ZNRF3: variants seen among roughly 807,000 people sequenced by gnomAD.
The protein encoded by ZNRF3 is E3 ubiquitin-protein ligase ZNRF3.
ZNRF3 carries 23 observed loss-of-function variants against 72.5 expected under a neutral mutation model. That is an observed-to-expected ratio of 0.32 (90% CI 0.23 to 0.45). The LOEUF is 0.45. Ranked by LOEUF, ZNRF3 falls within the 20% of genes least tolerant of loss-of-function variation. The pLI, the probability that ZNRF3 is intolerant of heterozygous loss-of-function variation, is 1.00. For missense variants in ZNRF3, 1,169 were observed against 1,272.1 expected, an observed-to-expected ratio of 0.92 and a Z score of 1.23; for synonymous variants, 610 against 545.3, an observed-to-expected ratio of 1.12 and a Z score of -1.65.
chr22:28,981,910 T>C (rs1288809209), intron 1 of ZNRF3, among the ~76,000 whole-genome samples: 1 of 151,690 alleles, frequency 6.6e-6, no homozygotes, highest in Non-Finnish European at 1.5e-5. Flanking sequence ...GGCAAGAGAA[T>C]TGCTTGAACC....
chr22:29,028,812 T>C (rs1209951458), intron 2 of ZNRF3, among the ~76,000 whole-genome samples: 4 of 152,212 alleles, frequency 2.6e-5, no homozygotes, highest in Non-Finnish European at 4.4e-5. Flanking sequence ...ACTTTCCCTC[T>C]TGGAGTCTCA....
chr22:29,035,043 T>C (rs1219239644), intron 2 of ZNRF3, among the ~76,000 whole-genome samples: 2 of 148,288 alleles, frequency 1.3e-5, no homozygotes, highest in Non-Finnish European at 3.0e-5. Flanking sequence ...GGAGTCTTGC[T>C]ATATTGGCCA....
intron 1 of ZNRF3, among the ~76,000 whole-genome samples, chr22:28,934,326 G>C (rs573543324): frequency 6.6e-6 from 1 of 152,142 alleles, no homozygotes; most frequent in Non-Finnish European, 1.5e-5. Flanking sequence ...GAGCTGATGA[G>C]GTGCATTGAG....
chr22:29,017,125 T>G (rs1476834370), intron 2 of ZNRF3, among the ~76,000 whole-genome samples: 1 of 152,178 alleles, frequency 6.6e-6, no homozygotes, highest in Non-Finnish European at 1.5e-5. Context: ...AAAAATGCAT[T>G]AGCCACACAG....
At chr22:29,011,993 C>T (rs2036355657) in intron 2 of ZNRF3, among the ~76,000 whole-genome samples, 1 of 152,176 alleles carries the variant, frequency 6.6e-6, no homozygotes, top group Non-Finnish European at 1.5e-5. Context: ...GCCGGGGGAC[C>T]CTGCAACCAG....
intron 1 of ZNRF3, among the ~76,000 whole-genome samples, chr22:28,923,179 G>A (rs770046414): frequency 6.6e-6 from 1 of 152,218 alleles, no homozygotes; most frequent in African/African-American, 2.4e-5. Context: ...TCTGTAAGTA[G>A]TGGATTTTTG....
At chr22:28,903,224 GCACGTGTGCACACACAGA>G (rs1337818052) in intron 1 of ZNRF3, among the ~76,000 whole-genome samples, 6 of 152,140 alleles carry the variant, frequency 3.9e-5, no homozygotes, top group African/African-American at 1.4e-4. Flanking sequence ...TGTCAGTCGG[GCACGTGTGCACACACAGA>G]CACACACACG....
At chr22:28,929,398 AGGAC>A (rs1021967133) in intron 1 of ZNRF3, among the ~76,000 whole-genome samples, 19 of 152,170 alleles carry the variant, frequency 1.2e-4, no homozygotes, top group African/African-American at 4.1e-4. Flanking sequence ...GCCACATCCC[AGGAC>A]TCTACCCACA....
At chr22:28,998,974 A>T (rs1003360331) in intron 2 of ZNRF3, among the ~76,000 whole-genome samples, 1 of 152,062 alleles carries the variant, frequency 6.6e-6, no homozygotes, top group Non-Finnish European at 1.5e-5. Context: ...AATGAGGCTA[A>T]ATCAGAGAAC....
intron 2 of ZNRF3, among the ~76,000 whole-genome samples, chr22:28,998,012 A>G (rs891201629): frequency 1.4e-5 from 2 of 142,410 alleles, no homozygotes; most frequent in African/African-American, 2.5e-5. Context: ...AAAAAAAAAA[A>G]GTATGACCCA....
At chr22:28,890,211 A>C (rs1224374106) in intron 1 of ZNRF3, among the ~76,000 whole-genome samples, 1 of 152,214 alleles carries the variant, frequency 6.6e-6, no homozygotes, top group Non-Finnish European at 1.5e-5. Context: ...GTTGTATGAA[A>C]GTGATCTGGC....
intron 1 of ZNRF3, among the ~76,000 whole-genome samples, chr22:28,907,107 C>T (rs1296898180): frequency 3.3e-5 from 5 of 151,634 alleles, no homozygotes; most frequent in African/African-American, 7.3e-5. Context: ...CTCAGCCTCC[C>T]GAGTAGCTGG....
rs188036717 is a variant in ZNRF3, at chr22:28,895,544, G to A, written c.300+11478G>A. Among the ~76,000 whole-genome samples the A allele has an allele frequency of 4.4e-3, 665 of 152,196 alleles. 7 individuals are homozygous for A. The highest frequency in any genetic ancestry group is 0.015 in the African/African-American group (641 of 41,558). ...TAGCCAGGCGCAGTGGCGGGTGCCT[G>A]TAGTCCCAGCTACTCGGGAGGCTGA... On this transcript the variant is annotated intron_variant, in intron 1 of 8. Coordinates refer to ENST00000544604, the MANE Select transcript of ZNRF3 (RefSeq NM_001206998.2).
intron 1 of ZNRF3, among the ~76,000 whole-genome samples, chr22:28,984,752 T>G (rs527810690): frequency 6.1e-4 from 93 of 152,290 alleles, no homozygotes; most frequent in African/African-American, 2.1e-3. Context: ...CTTTTTCTAG[T>G]TGGAGGTCTC....
intron 2 of ZNRF3, among the ~76,000 whole-genome samples, chr22:29,017,582 C>CT (rs1432109756): frequency 5.9e-5 from 9 of 152,026 alleles, no homozygotes; most frequent in African/African-American, 2.2e-4. Context: ...GATTAGCAGA[C>CT]TTGTATACTC....
intron 1 of ZNRF3, among the ~76,000 whole-genome samples, chr22:28,913,099 A>G (rs2034348601): frequency 6.6e-6 from 1 of 152,232 alleles, no homozygotes; most frequent in Non-Finnish European, 1.5e-5. Flanking sequence ...TCTTAAGCCA[A>G]TTGCACATTT....
chr22:28,897,359 C>A (rs1487349196), intron 1 of ZNRF3, among the ~76,000 whole-genome samples: 4 of 152,200 alleles, frequency 2.6e-5, no homozygotes, highest in African/African-American at 7.2e-5. Context: ...CTCTGTCACC[C>A]ACCCAGGCTG....
rs1212143372 is a variant in ZNRF3 at position 28,937,207 on chromosome 22, ATATATATATTTTTTT to A, written c.301-49867_301-49853del. 9.4e-3 allele frequency among the ~76,000 whole-genome samples: 27 copies of A among 2,860 alleles called. No homozygotes were observed. In the East Asian group the frequency reaches 0.15, roughly 16 times the overall value. 1.9% of individuals were successfully genotyped at this position (2,860 alleles called of 152,430 possible). On this transcript the variant is annotated intron_variant, in intron 1 of 8. Transcript: ENST00000544604. ...TATATATATATATATATATATATAT[ATATATATATTTTTTT>A]TTTTTTTTTTTTTTTTAACAAAAGG... is the stretch of plus-strand genomic sequence containing the variant.
At chr22:28,903,185 A>G (rs940883261) in intron 1 of ZNRF3, among the ~76,000 whole-genome samples, 1 of 152,136 alleles carries the variant, frequency 6.6e-6, no homozygotes, top group Non-Finnish European at 1.5e-5. Context: ...TACTCTCTAC[A>G]GCTAGATCAT....
Sources: allele counts gnomAD v4.1 joint callset (sites outside exome capture counted in the v4.1 genomes callset), GRCh38; gene constraint gnomAD v4.1.1; transcripts MANE v1.5; gene names NCBI Gene and HGNC (gene_info 2026-07-23, HGNC 2026-07-21).